Variants in ATXN7L1 observed in about 807,000 individuals in gnomAD.
The protein encoded by ATXN7L1 is ataxin-7-like protein 1.
In ATXN7L1, 15 loss-of-function variants were observed where a neutral mutation model predicts 70.8. That is an observed-to-expected ratio of 0.21 (90% CI 0.14 to 0.33). The LOEUF is 0.33. Ranked by LOEUF, ATXN7L1 falls within the 10% of genes least tolerant of loss-of-function variation. The pLI is 1.00. For synonymous variants in ATXN7L1, 440 were observed against 445.1 expected, an observed-to-expected ratio of 0.99 and a Z score of 0.14; for missense variants, 975 against 1,097.1, an observed-to-expected ratio of 0.89 and a Z score of 1.57.
chr7:105,732,620 A>AT (rs1472145647), intron 3 of ATXN7L1, among the ~76,000 whole-genome samples: 1 of 152,174 alleles, frequency 6.6e-6, no homozygotes, highest in Non-Finnish European at 1.5e-5. Flanking sequence ...CTGAGTGGGC[A>AT]TTGTAGGTCA....
chr7:105,640,741 G>A (rs11983798), intron 5 of ATXN7L1, among the ~76,000 whole-genome samples: 11,324 of 152,252 alleles, frequency 0.074, 491 homozygotes, highest in Middle Eastern at 0.11. Flanking sequence ...CCCAGGGTAG[G>A]TGATCTCTTA....
chr7:105,757,085 G>A (rs151310403), intron 3 of ATXN7L1, among the ~76,000 whole-genome samples: 4 of 152,140 alleles, frequency 2.6e-5, no homozygotes, highest in Admixed American at 1.3e-4. Context: ...GTACAGTCAC[G>A]AAAGGGGCCA....
At chr7:105,731,800 A>C in intron 3 of ATXN7L1, among the ~76,000 whole-genome samples, 1 of 151,768 alleles carries the variant, frequency 6.6e-6, no homozygotes, top group Non-Finnish European at 1.5e-5. Flanking sequence ...AAAGAAAAGA[A>C]AAGAAAACCC....
chr7:105,712,103 G>T (rs544019862), intron 3 of ATXN7L1, among the ~76,000 whole-genome samples: 1 of 152,354 alleles, frequency 6.6e-6, no homozygotes, highest in Admixed American at 6.5e-5. Context: ...ACTGCCTGAG[G>T]TGTACCTTGG....
rs191132724 is a variant in ATXN7L1 at position 105,714,728 on chromosome 7, T to C, written c.356-49440A>G. Among the ~76,000 whole-genome samples, 424 of 152,334 alleles carry C rather than the reference T, an allele frequency of 2.8e-3. 2 individuals are homozygous for C. The highest frequency in any genetic ancestry group is 5.3e-3 in the Admixed American group (81 of 15,294). On this transcript the variant is annotated intron_variant, in intron 3 of 11. Transcript: ENST00000419735. ...CCCACGCTGGAGTGCAGTGGCACCA[T>C]CTCGGCTCACTGCAATCTCTGCCTC...
chr7:105,611,770 T>C (rs1175802655), intron 10 of ATXN7L1, among the ~76,000 whole-genome samples: 21 of 152,258 alleles, frequency 1.4e-4, no homozygotes. Context: ...CAAATTGTTC[T>C]CAAAGCAAAG....
At chr7:105,765,202 G>C (rs1801085476) in intron 3 of ATXN7L1, among the ~76,000 whole-genome samples, 1 of 151,708 alleles carries the variant, frequency 6.6e-6, no homozygotes, top group Admixed American at 6.6e-5. Context: ...GGCATGGTGG[G>C]GCATGCCTGT....
At chr7:105,749,525 G>A (rs1798947471) in intron 3 of ATXN7L1, among the ~76,000 whole-genome samples, 1 of 151,184 alleles carries the variant, frequency 6.6e-6, no homozygotes. Context: ...GGTTGTATGG[G>A]ACACACAAGA....
At chr7:105,866,934 A>T (rs1817562776) in intron 2 of ATXN7L1, among the ~76,000 whole-genome samples, 1 of 152,244 alleles carries the variant, frequency 6.6e-6, no homozygotes, top group Admixed American at 6.5e-5. Context: ...GAGTACTACC[A>T]TCTTATGCCT....
intron 3 of ATXN7L1, among the ~76,000 whole-genome samples, chr7:105,774,548 T>C (rs1458186753): frequency 6.6e-6 from 1 of 152,026 alleles, no homozygotes; most frequent in Non-Finnish European, 1.5e-5. Context: ...AGACGGGGTT[T>C]TGCCATGTTG....
At chr7:105,638,894 A>G (rs1209254259) in intron 6 of ATXN7L1, among the ~76,000 whole-genome samples, 2 of 152,178 alleles carry the variant, frequency 1.3e-5, no homozygotes, top group African/African-American at 2.4e-5. Context: ...ATGAAAGGCA[A>G]CTGCGAGGGA....
At chr7:105,823,605 T>C (rs1390748339) in intron 2 of ATXN7L1, among the ~76,000 whole-genome samples, 2 of 152,216 alleles carry the variant, frequency 1.3e-5, no homozygotes, top group Admixed American at 6.5e-5. Context: ...TATCTGTTGA[T>C]TGGCTGAATG....
intron 3 of ATXN7L1, among the ~76,000 whole-genome samples, chr7:105,773,915 C>G (rs1802367044): frequency 6.6e-6 from 1 of 152,114 alleles, no homozygotes; most frequent in Non-Finnish European, 1.5e-5. Flanking sequence ...GTTCTTCAGC[C>G]TGCATGTGGG....
At chr7:105,706,340 T>C (rs1379953408) in intron 3 of ATXN7L1, among the ~76,000 whole-genome samples, 4 of 152,028 alleles carry the variant, frequency 2.6e-5, no homozygotes, top group South Asian at 2.1e-4. Context: ...ATTACAGGCG[T>C]GCATCACCAT....
At position 105,614,524 on chromosome 7, in the gene ATXN7L1, C is replaced by T. The variant is rs927660372; in HGVS notation, c.1810G>A (p.Val604Met). 3.6e-5 allele frequency: 56 copies of T among 1,534,698 alleles called. No individual in the cohort carries two copies. The highest frequency in any genetic ancestry group is 3.2e-5 in the Non-Finnish European group (36 of 1,137,212). The change falls in exon 10 of 12, where the codon GTG becomes ATG. Residue 604 changes from valine (V) to methionine (M), a missense_variant. By Grantham distance (21) the Val-to-Met change is conservative. Coordinates refer to ENST00000419735, the MANE Select transcript of ATXN7L1 (RefSeq NM_020725.2). This position sits in a 1 kb window ranked among gnomAD's most constrained non-coding sequence, Gnocchi z 4.3. The stretch of plus-strand genomic sequence containing the variant: ...GGGATGACGGCTGGTATCGGGGACA[C>T]GGCGGATGGGGCCTTGAAGGTTGAG... Reference protein sequence around the residue: ...MDSTFKAPSAVSPIPAVIPSP... With the variant: ...MDSTFKAPSAMSPIPAVIPSP...
At chr7:105,688,440 G>A (rs1790264210) in intron 3 of ATXN7L1, among the ~76,000 whole-genome samples, 1 of 152,190 alleles carries the variant, frequency 6.6e-6, no homozygotes, top group African/African-American at 2.4e-5. Context: ...CTACTTGGGA[G>A]GGTGAGGTGG....
intron 4 of ATXN7L1, among the ~76,000 whole-genome samples, chr7:105,652,848 AC>A (rs1007356777): frequency 2.0e-5 from 3 of 152,196 alleles, no homozygotes; most frequent in African/African-American, 7.2e-5. Flanking sequence ...CTGGCCAGGT[AC>A]CCTGACACCT....
chr7:105,691,058 T>C (rs1790740074), intron 3 of ATXN7L1, among the ~76,000 whole-genome samples: 1 of 152,228 alleles, frequency 6.6e-6, no homozygotes, highest in African/African-American at 2.4e-5. Flanking sequence ...TAAGGTCCAG[T>C]AACTTCCCTG....
At chr7:105,800,897 T>C (rs1370818684) in intron 2 of ATXN7L1, among the ~76,000 whole-genome samples, 1 of 152,202 alleles carries the variant, frequency 6.6e-6, no homozygotes, top group Non-Finnish European at 1.5e-5. Flanking sequence ...TTAGCCTGAA[T>C]TCGCTAAGTA....
Sources: allele counts gnomAD v4.1 joint callset (sites outside exome capture counted in the v4.1 genomes callset), GRCh38; gene constraint gnomAD v4.1.1; non-coding constraint Gnocchi (gnomAD v3.1); transcripts MANE v1.5; gene names NCBI Gene and HGNC (gene_info 2026-07-23, HGNC 2026-07-21).